The following ALDH9A1 variants were observed in gnomAD, a reference collection of about 807,000 sequenced individuals.
The protein encoded by ALDH9A1 is 4-trimethylaminobutyraldehyde dehydrogenase.
A neutral mutation model predicts 56.6 loss-of-function variants in ALDH9A1; 42 were observed. The observed-to-expected ratio is 0.74, with a 90% confidence interval of 0.58 to 0.96. The LOEUF (loss-of-function observed/expected upper bound fraction) is 0.96. Ranked by LOEUF, ALDH9A1 falls within the 40% of genes least tolerant of loss-of-function variation. The pLI, the probability that ALDH9A1 is intolerant of heterozygous loss-of-function variation, is 0.00. For synonymous variants in ALDH9A1, 242 were observed against 236.0 expected, an observed-to-expected ratio of 1.03 and a Z score of -0.23; for missense variants, 661 against 651.5, an observed-to-expected ratio of 1.01 and a Z score of -0.16.
chr1:165,673,941 A>C (rs1220419213), intron 6 of ALDH9A1, among the ~76,000 whole-genome samples: 1 of 152,188 alleles, frequency 6.6e-6, no homozygotes, highest in African/African-American at 2.4e-5. Flanking sequence ...ATAAGATAGG[A>C]GATCAGCACA....
intron 9 of ALDH9A1, among the ~76,000 whole-genome samples, chr1:165,667,010 T>C (rs1649029176): frequency 6.6e-6 from 1 of 152,246 alleles, no homozygotes; most frequent in Non-Finnish European, 1.5e-5. Flanking sequence ...TACAGGTTTC[T>C]AAATTCCTTG....
At chr1:165,664,936 T>C (rs1648959973) in intron 10 of ALDH9A1, 82 bp downstream of exon 10, 1 of 1,098,904 alleles carries the variant, frequency 9.1e-7, no homozygotes, top group African/African-American at 1.5e-5. Context: ...TGCAGACAGG[T>C]TTAGGAATAC....
rs145704361 is a variant in ALDH9A1, at chr1:165,681,128, G to A, written c.593-445C>T. Among the ~76,000 whole-genome samples, 367 of 152,194 alleles carry A rather than the reference G, an allele frequency of 2.4e-3. 2 individuals are homozygous for A. Among genetic ancestry groups the A allele is most frequent in the African/African-American group, 8.5e-3 (351 of 41,526 alleles). On this transcript the variant is annotated intron_variant, in intron 4 of 10. Coordinates refer to ENST00000354775, the MANE Select transcript of ALDH9A1 (RefSeq NM_000696.4). ...CCTCCCACAACACATGGGAATTCTG[G>A]GTGATACAATTCAAGTTGAGATTTG... is the stretch of plus-strand genomic sequence containing the variant.
At chr1:165,693,987 T>C (rs1192771822) in intron 2 of ALDH9A1, among the ~76,000 whole-genome samples, 2 of 151,486 alleles carry the variant, frequency 1.3e-5, no homozygotes, top group East Asian at 3.9e-4. Flanking sequence ...ACACTGCATG[T>C]TCTCATTCAT....
At chr1:165,694,115 TG>T (rs750769404) in intron 2 of ALDH9A1, among the ~76,000 whole-genome samples, 24 of 150,768 alleles carry the variant, frequency 1.6e-4, no homozygotes, top group Non-Finnish European at 2.8e-4. Flanking sequence ...CTAATGTAAA[TG>T]GTGAGTTGAT....
At chr1:165,669,524 T>C (rs1649111779) in intron 6 of ALDH9A1, 74 bp from the exon 7 acceptor site, 3 of 1,319,912 alleles carry the variant, frequency 2.3e-6, no homozygotes, top group Non-Finnish European at 2.0e-6. Flanking sequence ...ATGAACACAA[T>C]CTAAAAACTT....
At chr1:165,671,923 T>C (rs193235498) in intron 6 of ALDH9A1, among the ~76,000 whole-genome samples, 168 of 152,308 alleles carry the variant, frequency 1.1e-3, no homozygotes, top group Admixed American at 2.3e-3. Context: ...ATAGGATGAC[T>C]ATTATCAAAA....
chr1:165,696,478 G>GT (rs1202261576), intron 1 of ALDH9A1, among the ~76,000 whole-genome samples: 1 of 152,130 alleles, frequency 6.6e-6, no homozygotes, highest in Non-Finnish European at 1.5e-5. Flanking sequence ...TATATTCTAT[G>GT]TAGGTTATAT....
At chr1:165,677,014 T>A (rs928156617) in intron 6 of ALDH9A1, among the ~76,000 whole-genome samples, 1 of 152,162 alleles carries the variant, frequency 6.6e-6, no homozygotes, top group East Asian at 1.9e-4. Context: ...AATCAGATAT[T>A]ATTTATGAAA....
intron 4 of ALDH9A1, among the ~76,000 whole-genome samples, chr1:165,681,557 T>TA (rs1165408339): frequency 1.3e-5 from 2 of 152,218 alleles, no homozygotes; most frequent in Non-Finnish European, 2.9e-5. Context: ...TTTCTAACAT[T>TA]ACAATTTTTT....
chr1:165,682,108 A>G lies in ALDH9A1; in HGVS notation c.591T>C (p.Cys197=), dbSNP rs1175698997. Residue 197 remains cysteine (C), a splice_region_variant and synonymous_variant, in exon 4 of 11, where the codon TGT becomes TGC. Transcript: ENST00000354775. Reference sequence around the variant, plus strand: ...AATGGAGGGATAATTCATTCTTACCACAGGCTAATGCTGGAGCCGACTTCC... The same window carrying G: ...AATGGAGGGATAATTCATTCTTACCGCAGGCTAATGCTGGAGCCGACTTCC... The part of the protein sequence containing the change: ...ASWKSAPALA[C]GNAMVFKPSP... The G allele has an allele frequency of 6.2e-7, 1 of 1,613,944 alleles. No individual in the cohort carries two copies. Among genetic ancestry groups the G allele is most frequent in the African/African-American group, 1.3e-5 (1 of 75,028 alleles).
Position 165,695,268 on chromosome 1 carries a change from G to A in ALDH9A1, c.311C>T (p.Ala104Val). 1 of 1,607,976 alleles carries A rather than the reference G, an allele frequency of 6.2e-7. No individual in the cohort carries two copies. Among genetic ancestry groups the A allele is most frequent in the Non-Finnish European group, 8.5e-7 (1 of 1,177,738 alleles). ...GGAACATACCCTTATTATCCTGGCAGCCTCCAAAAGGATTCGGCAACGCTC... is the reference window on the plus strand; with the variant it reads ...GGAACATACCCTTATTATCCTGGCAACCTCCAAAAGGATTCGGCAACGCTC... ...GMERCRILLEAARIIREREDE... is the reference protein window; with the variant it reads ...GMERCRILLEVARIIREREDE... The change falls in exon 2 of 11, where the codon GCT becomes GTT. Residue 104 changes from alanine (A) to valine (V), a missense_variant. By Grantham distance (64) the Ala-to-Val change is moderately conservative (BLOSUM62 0). Transcript: ENST00000354775.
intron 2 of ALDH9A1, among the ~76,000 whole-genome samples, chr1:165,693,167 T>C (rs991489250): frequency 6.6e-6 from 1 of 152,194 alleles, no homozygotes; most frequent in African/African-American, 2.4e-5. Context: ...AAGGACTTCA[T>C]GACTAAAACA....
intron 1 of ALDH9A1, among the ~76,000 whole-genome samples, chr1:165,696,308 C>A (rs1428582521): frequency 6.6e-6 from 1 of 152,164 alleles, no homozygotes; most frequent in African/African-American, 2.4e-5. Flanking sequence ...TTAAGAACCC[C>A]TGCCCTCTAC....
At chr1:165,682,935 T>C in intron 3 of ALDH9A1, 46 bp downstream of exon 3, 5 of 1,600,742 alleles carry the variant, frequency 3.1e-6, no homozygotes, top group Non-Finnish European at 4.3e-6. Context: ...GGCCCTGCTC[T>C]TCTGCCTCAT....
At chr1:165,689,944 TAATAATA>T (rs1649832778) in intron 2 of ALDH9A1, among the ~76,000 whole-genome samples, 1 of 73,664 alleles carries the variant, frequency 1.4e-5, no homozygotes, top group African/African-American at 4.7e-5. Context: ...AAAAAAAAAA[TAATAATA>T]AATAAACAGA....
intron 2 of ALDH9A1, 69 bp downstream of exon 2, chr1:165,695,183 A>G: frequency 6.7e-7 from 1 of 1,482,974 alleles, no homozygotes; most frequent in Non-Finnish European, 9.0e-7. Context: ...AACAAAGTCG[A>G]ACTGCAAACA....
At chr1:165,688,100 T>C (rs1333633720) in intron 2 of ALDH9A1, among the ~76,000 whole-genome samples, 1 of 152,144 alleles carries the variant, frequency 6.6e-6, no homozygotes, top group Admixed American at 6.5e-5. Flanking sequence ...GAGGATGACT[T>C]GAGCCCAGGA....
chr1:165,669,444 A>G lies in ALDH9A1; in HGVS notation c.937T>C (p.Cys313Arg), dbSNP rs1243557950. 7 of 1,610,200 alleles carry G rather than the reference A, an allele frequency of 4.3e-6. No homozygotes were observed. The highest frequency in any genetic ancestry group is 1.1e-5 in the South Asian group (1 of 90,334). The change falls in exon 7 of 11, where the codon TGT (cysteine) becomes CGT (arginine). Residue 313 changes from cysteine (C) to arginine (R), a missense_variant. Cys to Arg is a radical substitution (Grantham distance 180). Coordinates refer to ENST00000354775, the MANE Select transcript of ALDH9A1 (RefSeq NM_000696.4). Reference sequence around the variant, plus strand: ...TGCACAAATACTCTTGTGCCATTACAGCAAACCTAAAGGACAAACACAAGA... The same window carrying G: ...TGCACAAATACTCTTGTGCCATTACGGCAAACCTAAAGGACAAACACAAGA... ...ANFLTQGQVC[C>R]NGTRVFVQKE...
Sources: gnomAD v4.1 joint callset for allele counts (sites outside exome capture counted in the v4.1 genomes callset) on GRCh38, gnomAD v4.1.1 for gene constraint, MANE v1.5 for transcripts, NCBI Gene and HGNC (gene_info 2026-07-23, HGNC 2026-07-21) for gene names.